The following SLC12A6 variants were observed in gnomAD, a reference collection of about 807,000 sequenced individuals.
SLC12A6 encodes solute carrier family 12 member 6, also known as K-Cl cotransporter 3.
SLC12A6 carries 66 observed loss-of-function variants against 135.3 expected under a neutral mutation model. The ratio of observed to expected loss-of-function variants is 0.49; its 90% confidence interval spans 0.40 to 0.60. The LOEUF is 0.60. SLC12A6 is among the 20% of genes least tolerant of loss of function. SLC12A6 has a pLI of 0.00. For synonymous variants in SLC12A6, 513 were observed against 508.8 expected, an observed-to-expected ratio of 1.01 and a Z score of -0.11; for missense variants, 1,058 against 1,452.3, an observed-to-expected ratio of 0.73 and a Z score of 4.41.
At chr15:34,322,814 C>A (rs965751637) in intron 2 of SLC12A6, among the ~76,000 whole-genome samples, 1 of 151,434 alleles carries the variant, frequency 6.6e-6, no homozygotes, top group Admixed American at 6.6e-5. Flanking sequence ...CCCGTCTCCA[C>A]TAAAAACACA....
At chr15:34,322,978 C>CA (rs1218702689) in intron 2 of SLC12A6, among the ~76,000 whole-genome samples, 4,619 of 38,314 alleles carry the variant, frequency 0.12, 408 homozygotes, top group African/African-American at 0.19. Context: ...AACTCTGTCT[C>CA]AAAAAAAAAA....
chr15:34,256,857 G>A (rs1358681258), intron 6 of SLC12A6, among the ~76,000 whole-genome samples: 3 of 152,120 alleles, frequency 2.0e-5, no homozygotes, highest in East Asian at 3.8e-4. Flanking sequence ...AGGGCTGAGT[G>A]TAAAAGATTT....
At chr15:34,283,085 G>A (rs1206385465) in intron 2 of SLC12A6, among the ~76,000 whole-genome samples, 1 of 152,226 alleles carries the variant, frequency 6.6e-6, no homozygotes, top group Non-Finnish European at 1.5e-5. Context: ...GCTCACGCCT[G>A]TAATCCCAGC....
At chr15:34,245,637 C>T (rs1327579252) in intron 14 of SLC12A6, 56 bp downstream of exon 14, 7 of 1,437,672 alleles carry the variant, frequency 4.9e-6, no homozygotes, top group Middle Eastern at 1.9e-4. Flanking sequence ...GAAGACCACA[C>T]TGTTTCTCAT....
At chr15:34,306,927 G>A (rs183594247) in intron 2 of SLC12A6, among the ~76,000 whole-genome samples, 195 of 152,294 alleles carry the variant, frequency 1.3e-3, no homozygotes, top group Middle Eastern at 3.4e-3. Flanking sequence ...AGTACATACT[G>A]TATGATTACA....
intron 15 of SLC12A6, among the ~76,000 whole-genome samples, chr15:34,244,966 G>A (rs1235946652): frequency 1.4e-4 from 21 of 152,114 alleles, no homozygotes; most frequent in Admixed American, 2.0e-4. Context: ...ATTACACAGT[G>A]CCAGGTAAGT....
Position 34,275,376 on chromosome 15 carries a change from G to T in SLC12A6, c.285C>A (p.Asn95Lys). 6.5e-7 allele frequency: 1 copy of T among 1,532,964 alleles called. No individual in the cohort carries two copies. Among genetic ancestry groups the T allele is most frequent in the Non-Finnish European group, 9.0e-7 (1 of 1,106,842 alleles). The allele number at this position is 1,532,964 out of a possible 1,614,324, so 95.0% of individuals were successfully genotyped here. Residue 95 changes from asparagine to lysine, a missense_variant, in exon 3 of 26, where the codon AAC (asparagine) becomes AAA (lysine). Physicochemically the swap from Asn to Lys is moderately conservative, Grantham distance 94. This residue lies in a region of SLC12A6 where 176 missense variants were observed against 168.9 expected (regional missense o/e 1.04). Transcript: ENST00000354181. ...GTTGGCTGTGTTCCCCTGTGATGGA[G>T]TTCTGACTCAGGTCTGAAAAACAAA... Reference protein sequence around the residue: ...PQDVIEDLSQNSITGEHSQLL... With the variant: ...PQDVIEDLSQKSITGEHSQLL...
chr15:34,238,513 A>G (rs1413876052), intron 20 of SLC12A6, 112 bp from the exon 21 acceptor site: 1 of 801,780 alleles, frequency 1.2e-6, no homozygotes, highest in Non-Finnish European at 2.1e-6. Flanking sequence ...AAGGGGTCCT[A>G]TTTACTTAGT....
rs1891077374 is a variant in SLC12A6, at chr15:34,233,827, T to C, written c.*54A>G. 22 of 920,420 alleles carry C rather than the reference T, an allele frequency of 2.4e-5. No homozygotes were observed. The South Asian group carries it at 2.7e-4, about 11-fold the overall frequency. The allele number at this position is 920,420 out of a possible 1,614,324, so 57.0% of individuals were successfully genotyped here. ...TGGTAGTAATGAGCTGGCACTTCCA[T>C]GGAGGACGTAGGCCTTTTAAGAAAA... On this transcript the variant is annotated 3_prime_UTR_variant, in exon 26 of 26. Coordinates refer to ENST00000354181, the MANE Select transcript of SLC12A6 (RefSeq NM_001365088.1).
chr15:34,297,230 T>C (rs902360150), intron 2 of SLC12A6, among the ~76,000 whole-genome samples: 3 of 152,222 alleles, frequency 2.0e-5, no homozygotes, highest in African/African-American at 7.2e-5. Flanking sequence ...CTTTATTGTA[T>C]CTATTTTTAA....
intron 15 of SLC12A6, among the ~76,000 whole-genome samples, chr15:34,244,878 G>A (rs979050116): frequency 6.6e-6 from 1 of 152,162 alleles, no homozygotes; most frequent in Non-Finnish European, 1.5e-5. Context: ...CACGCTATAT[G>A]GGAATCATTG....
intron 2 of SLC12A6, among the ~76,000 whole-genome samples, chr15:34,329,320 C>A (rs535964658): frequency 3.3e-5 from 5 of 152,100 alleles, no homozygotes; most frequent in Non-Finnish European, 5.9e-5. Flanking sequence ...ATGTTAGACA[C>A]GAAGGGCAAA....
intron 2 of SLC12A6, among the ~76,000 whole-genome samples, chr15:34,283,737 A>G (rs1894841604): frequency 6.6e-6 from 1 of 151,232 alleles, no homozygotes; most frequent in South Asian, 2.1e-4. Context: ...AAATGACGTA[A>G]AACGACTGAA....
At chr15:34,282,391 A>C (rs952278273) in intron 2 of SLC12A6, among the ~76,000 whole-genome samples, 2 of 152,236 alleles carry the variant, frequency 1.3e-5, no homozygotes, top group Non-Finnish European at 2.9e-5. Context: ...TACCTTGTAT[A>C]ATTAGTGTCC....
chr15:34,242,974 A>G (rs1891747696), intron 16 of SLC12A6, among the ~76,000 whole-genome samples: 1 of 151,992 alleles, frequency 6.6e-6, no homozygotes, highest in South Asian at 2.1e-4. Flanking sequence ...GCTCACTGCA[A>G]CCTCCGACTC....
intron 3 of SLC12A6, among the ~76,000 whole-genome samples, chr15:34,272,132 G>A (rs966046265): frequency 1.2e-4 from 19 of 152,010 alleles, no homozygotes; most frequent in African/African-American, 4.1e-4. Flanking sequence ...CCGCCACCAT[G>A]CCCGGCCAAT....
chr15:34,235,854 T>A (rs12439913), intron 24 of SLC12A6, among the ~76,000 whole-genome samples, 161 bp downstream of exon 24: 1 of 152,296 alleles, frequency 6.6e-6, no homozygotes, highest in Admixed American at 6.5e-5. Flanking sequence ...GGTTAGCTTG[T>A]GTACAGTGTT....
At chr15:34,334,092 A>G (rs1304146007) in intron 2 of SLC12A6, among the ~76,000 whole-genome samples, 1 of 151,910 alleles carries the variant, frequency 6.6e-6, no homozygotes, top group Non-Finnish European at 1.5e-5. Context: ...AAACAAAAAA[A>G]ACTTCATGTG....
At chr15:34,287,503 T>C (rs1895180301) in intron 2 of SLC12A6, among the ~76,000 whole-genome samples, 2 of 152,204 alleles carry the variant, frequency 1.3e-5, no homozygotes, top group African/African-American at 4.8e-5. Context: ...AGTAATGGGA[T>C]TGCTGGGTCA....
Sources: allele counts gnomAD v4.1 joint callset (sites outside exome capture counted in the v4.1 genomes callset), GRCh38; gene constraint gnomAD v4.1.1; regional missense constraint gnomAD v4.1.1; transcripts MANE v1.5; gene names NCBI Gene and HGNC (gene_info 2026-07-23, HGNC 2026-07-21).